BMP5: variants seen among roughly 807,000 people sequenced by gnomAD.
The protein encoded by BMP5 is bone morphogenetic protein 5.
Under a neutral mutation model 46.6 loss-of-function variants are expected in BMP5, and 23 were observed. That is an observed-to-expected ratio of 0.49 (90% CI 0.35 to 0.70). The LOEUF is 0.70. Ranked by LOEUF, BMP5 falls within the 30% of genes least tolerant of loss-of-function variation. The pLI is 0.00. For synonymous variants in BMP5, 204 were observed against 191.9 expected, an observed-to-expected ratio of 1.06 and a Z score of -0.52; for missense variants, 545 against 565.6, an observed-to-expected ratio of 0.96 and a Z score of 0.37.
chr6:55,875,120 G>C lies in BMP5; in HGVS notation c.-255C>G. 2 of 418,566 alleles carry C rather than the reference G, an allele frequency of 4.8e-6. No individual in the cohort carries two copies. The highest frequency in any genetic ancestry group is 4.3e-6 in the Non-Finnish European group (1 of 230,334). 25.9% of individuals were successfully genotyped at this position (418,566 alleles called of 1,614,324 possible). On this transcript the variant is annotated 5_prime_UTR_variant, in exon 1 of 7. Transcript: ENST00000370830. The stretch of plus-strand genomic sequence containing the variant: ...ATTTCCAATTATCCACAGTTGTTAA[G>C]AGTTTTTGCTGCATTGATGTAGCAG...
At chr6:55,873,923 C>T (rs1169787804) in intron 1 of BMP5, among the ~76,000 whole-genome samples, 3 of 151,788 alleles carry the variant, frequency 2.0e-5, no homozygotes, top group Non-Finnish European at 2.9e-5. Context: ...ACAGTAGTTG[C>T]CTCCCCTAGA....
intron 3 of BMP5, among the ~76,000 whole-genome samples, chr6:55,774,664 T>G (rs1374325641): frequency 6.6e-6 from 1 of 152,000 alleles, no homozygotes; most frequent in African/African-American, 2.4e-5. Context: ...GCAGGGTGTT[T>G]CTACTTTCTC....
chr6:55,800,872 C>G (rs1775834840), intron 2 of BMP5, among the ~76,000 whole-genome samples: 1 of 152,150 alleles, frequency 6.6e-6, no homozygotes, highest in Admixed American at 6.6e-5. Context: ...AACACTTTCT[C>G]TTATAAAATA....
chr6:55,816,975 G>A (rs939166036), intron 2 of BMP5, among the ~76,000 whole-genome samples: 3 of 152,104 alleles, frequency 2.0e-5, no homozygotes, highest in African/African-American at 4.8e-5. Flanking sequence ...AGACATTTAT[G>A]CAGCCAACAG....
chr6:55,770,964 C>A (rs1325831938), intron 4 of BMP5, among the ~76,000 whole-genome samples: 1 of 151,628 alleles, frequency 6.6e-6, no homozygotes, highest in Non-Finnish European at 1.5e-5. Flanking sequence ...TAACATAAAC[C>A]ATAACAAATA....
intron 6 of BMP5, among the ~76,000 whole-genome samples, chr6:55,758,503 A>G (rs368539739): frequency 6.6e-6 from 1 of 152,104 alleles, no homozygotes; most frequent in East Asian, 1.9e-4. Context: ...TTTCTACTTT[A>G]AAGATTACAG....
rs910391874 is a variant in BMP5 at position 55,753,720 on chromosome 6, A to G, written c.*1813T>C. 1 of 141,438 alleles carries G rather than the reference A, an allele frequency of 7.1e-6. No homozygotes were observed. Among genetic ancestry groups the G allele is most frequent in the Non-Finnish European group, 1.5e-5 (1 of 64,816 alleles). The allele number at this position is 141,438 out of a possible 1,614,324, so 8.8% of individuals were successfully genotyped here. On this transcript the variant is annotated 3_prime_UTR_variant, in exon 7 of 7. Coordinates refer to ENST00000370830, the MANE Select transcript of BMP5 (RefSeq NM_021073.4). ...ACAAAAAACAATTTTGGCAATTAAG[A>G]ACAACATAAAGAATCATGTGATCCA...
chr6:55,828,364 G>A (rs992808618), intron 1 of BMP5, among the ~76,000 whole-genome samples: 2 of 151,940 alleles, frequency 1.3e-5, no homozygotes, highest in East Asian at 3.9e-4. Flanking sequence ...TAAAAGGTCA[G>A]AAGTCACATG....
At chr6:55,848,611 C>A (rs1042091968) in intron 1 of BMP5, among the ~76,000 whole-genome samples, 6 of 151,834 alleles carry the variant, frequency 4.0e-5, no homozygotes, top group African/African-American at 1.2e-4. Flanking sequence ...TTATTGATGA[C>A]TGAGGAGTTG....
chr6:55,794,210 C>T, intron 3 of BMP5, 69 bp downstream of exon 3: 1 of 1,542,646 alleles, frequency 6.5e-7, no homozygotes. Context: ...GGTTATATCA[C>T]ATAAAAAACG....
At chr6:55,817,457 A>G (rs993786580) in intron 2 of BMP5, among the ~76,000 whole-genome samples, 4 of 152,146 alleles carry the variant, frequency 2.6e-5, no homozygotes, top group Non-Finnish European at 5.9e-5. Flanking sequence ...GCAGGGACAC[A>G]GATGAAGCTA....
intron 5 of BMP5, 57 bp from the exon 6 acceptor site, chr6:55,759,172 A>AAAAAAAAAAAACAAAAAAAC: frequency 1.4e-6 from 1 of 738,656 alleles, no homozygotes; most frequent in East Asian, 3.6e-5. Flanking sequence ...AAAAAAAAAA[A>AAAAAAAAAAAACAAAAAAAC]AAAAAAAAAA....
intron 5 of BMP5, 69 bp from the exon 6 acceptor site, chr6:55,759,184 C>CAAAAAAAAAAAAAAAAA: frequency 2.8e-6 from 1 of 359,298 alleles, no homozygotes; most frequent in African/African-American, 4.7e-5. Flanking sequence ...AAAAAAAAAA[C>CAAAAAAAAAAAAAAAAA]AACAAGAAAA....
At chr6:55,764,724 A>T (rs1774880922) in intron 4 of BMP5, among the ~76,000 whole-genome samples, 1 of 151,914 alleles carries the variant, frequency 6.6e-6, no homozygotes, top group African/African-American at 2.4e-5. Flanking sequence ...TAAGCTAAAA[A>T]AAAAAAAAAA....
At chr6:55,786,444 A>G (rs1352835513) in intron 3 of BMP5, among the ~76,000 whole-genome samples, 2 of 151,642 alleles carry the variant, frequency 1.3e-5, no homozygotes, top group Admixed American at 6.6e-5. Context: ...AGAACAAACA[A>G]TTCTAAGGCC....
chr6:55,791,380 G>A (rs1037726137), intron 3 of BMP5, among the ~76,000 whole-genome samples: 1 of 152,134 alleles, frequency 6.6e-6, no homozygotes, highest in African/African-American at 2.4e-5. Flanking sequence ...AGCCTAGCAT[G>A]TTTAACCATT....
chr6:55,850,006 A>G (rs1403219681), intron 1 of BMP5, among the ~76,000 whole-genome samples: 4 of 152,092 alleles, frequency 2.6e-5, no homozygotes, highest in Non-Finnish European at 5.9e-5. Context: ...TTGCATACAT[A>G]GTATCTTTCA....
intron 4 of BMP5, among the ~76,000 whole-genome samples, chr6:55,761,269 A>G (rs1232694059): frequency 6.6e-6 from 1 of 152,034 alleles, no homozygotes; most frequent in Non-Finnish European, 1.5e-5. Flanking sequence ...TCTGGCATGA[A>G]TTACTGCAAT....
At chr6:55,826,985 A>G (rs1172597710) in intron 1 of BMP5, among the ~76,000 whole-genome samples, 1 of 151,786 alleles carries the variant, frequency 6.6e-6, no homozygotes, top group Admixed American at 6.6e-5. Flanking sequence ...CCATTCCAGA[A>G]CAATGTTTCT....
Sources: gnomAD v4.1 joint callset for allele counts (sites outside exome capture counted in the v4.1 genomes callset) on GRCh38, gnomAD v4.1.1 for gene constraint, MANE v1.5 for transcripts, NCBI Gene and HGNC (gene_info 2026-07-23, HGNC 2026-07-21) for gene names.